Variants in ABHD12 observed in about 807,000 individuals in gnomAD.
ABHD12 encodes the protein lysophosphatidylserine lipase ABHD12.
In ABHD12, 43 loss-of-function variants were observed where a neutral mutation model predicts 58.3. The ratio of observed to expected loss-of-function variants is 0.74; its 90% CI spans 0.58 to 0.95. ABHD12 has a LOEUF of 0.95. Among genes scored for constraint, ABHD12 ranks in the 40% least tolerant of loss-of-function variants. The probability of loss-of-function intolerance (pLI) is 0.00; values close to 1 mark genes in which losing one functional copy is unlikely to be tolerated. For synonymous variants in ABHD12, 219 were observed against 211.2 expected (o/e 1.04, Z -0.32); for missense variants, 539 against 537.2 (o/e 1.00, Z -0.03).
intron 7 of ABHD12, 26 bp downstream of exon 7, chr20:25,309,420 G>A: frequency 6.2e-7 from 1 of 1,613,812 alleles, no homozygotes; most frequent in Non-Finnish European, 8.5e-7. Context: ...TCCCACTAAA[G>A]GCTGCCTCCT....
intron 3 of ABHD12, among the ~76,000 whole-genome samples, chr20:25,322,381 A>ATTTTTT (rs199757666): frequency 1.9e-4 from 11 of 59,230 alleles, no homozygotes; most frequent in South Asian, 5.8e-4. Context: ...ATATATATAT[A>ATTTTTT]TTTTTTTTTT....
chr20:25,381,973 A>C (rs183204351), intron 1 of ABHD12, among the ~76,000 whole-genome samples: 1 of 152,212 alleles, frequency 6.6e-6, no homozygotes, highest in African/African-American at 2.4e-5. Context: ...CTGAGCTCTT[A>C]ATATTATAAT....
intron 1 of ABHD12, among the ~76,000 whole-genome samples, chr20:25,367,846 C>T (rs1600861775): frequency 6.6e-6 from 1 of 152,200 alleles, no homozygotes; most frequent in East Asian, 1.9e-4. Flanking sequence ...AATAGTGCTG[C>T]TATGAACATG....
At chr20:25,358,765 C>T (rs778771493) in intron 1 of ABHD12, among the ~76,000 whole-genome samples, 9 of 152,146 alleles carry the variant, frequency 5.9e-5, no homozygotes, top group Non-Finnish European at 1.3e-4. Context: ...CCCCAGAACA[C>T]CTTTCAGGGT....
intron 5 of ABHD12, among the ~76,000 whole-genome samples, chr20:25,315,703 A>G (rs946315170): frequency 7.2e-5 from 11 of 152,178 alleles, no homozygotes; most frequent in African/African-American, 2.7e-4. Flanking sequence ...AGCAGGATGA[A>G]TCATTTCTTT....
intron 1 of ABHD12, among the ~76,000 whole-genome samples, chr20:25,354,132 T>C (rs2089638054): frequency 6.6e-6 from 1 of 152,222 alleles, no homozygotes; most frequent in African/African-American, 2.4e-5. Flanking sequence ...AGCAAATTCC[T>C]AAGTGAATAA....
chr20:25,375,393 T>C (rs1361990285), intron 1 of ABHD12, among the ~76,000 whole-genome samples: 1 of 152,252 alleles, frequency 6.6e-6, no homozygotes, highest in Non-Finnish European at 1.5e-5. Context: ...CTGTATCTTC[T>C]GATCTTTTCA....
chr20:25,390,222 G>A, intron 1 of ABHD12: 1 of 300,822 alleles, frequency 3.3e-6, no homozygotes, highest in Non-Finnish European at 6.1e-6. Context: ...GCTTCCCCGG[G>A]AAAGGGTCGG....
chr20:25,381,626 C>CTTTTTTTTTTTTTTTTTTTTTTTTT, intron 1 of ABHD12, among the ~76,000 whole-genome samples: 1 of 142,052 alleles, frequency 7.0e-6, no homozygotes, highest in Non-Finnish European at 1.5e-5. Context: ...TCAGTACCCT[C>CTTTTTTTTTTTTTTTTTTTTTTTTT]TTTTTTTTTT....
At chr20:25,383,539 G>A (rs2090047009) in intron 1 of ABHD12, among the ~76,000 whole-genome samples, 1 of 152,196 alleles carries the variant, frequency 6.6e-6, no homozygotes, top group African/African-American at 2.4e-5. Flanking sequence ...CCCTCATTTG[G>A]GCTGGGCGCG....
chr20:25,318,663 CTTT>C (rs35288907), intron 4 of ABHD12, among the ~76,000 whole-genome samples: 28 of 145,140 alleles, frequency 1.9e-4, no homozygotes, highest in African/African-American at 2.5e-4. Flanking sequence ...TAGGCAGGAT[CTTT>C]TTTTTTTTTT....
intron 1 of ABHD12, among the ~76,000 whole-genome samples, chr20:25,359,284 C>T (rs2089709663): frequency 1.3e-5 from 2 of 150,334 alleles, no homozygotes; most frequent in East Asian, 4.0e-4. Flanking sequence ...ATTAGCCGGG[C>T]GTGATGGCGG....
intron 1 of ABHD12, among the ~76,000 whole-genome samples, chr20:25,372,169 T>C (rs957116014): frequency 9.9e-5 from 15 of 151,620 alleles, no homozygotes; most frequent in Non-Finnish European, 2.1e-4. Context: ...ACCTGGGTGT[T>C]AACATTTCTT....
In ABHD12 at chr20:25,312,596, G is replaced by A. The variant is rs555390484; in HGVS notation, c.619+2329C>T. 1.4e-3 allele frequency among the ~76,000 whole-genome samples: 207 copies of A among 152,270 alleles called. 1 individual carries two copies. Among genetic ancestry groups the A allele is most frequent in the African/African-American group, 4.7e-3 (195 of 41,534 alleles). The stretch of plus-strand genomic sequence containing the variant: ...CCGAGATTGCAGCCTCTGCCCGGCC[G>A]CCACCCCGTCTGGGAAGTGAGGAGC... On this transcript the variant is annotated intron_variant, in intron 6 of 12. Coordinates refer to ENST00000339157, the MANE Select transcript of ABHD12 (RefSeq NM_001042472.3).
At chr20:25,335,971 A>C (rs974712646) in intron 2 of ABHD12, among the ~76,000 whole-genome samples, 2 of 152,010 alleles carry the variant, frequency 1.3e-5, no homozygotes, top group Non-Finnish European at 2.9e-5. Context: ...AATAAATAAA[A>C]AAAAAACAAA....
chr20:25,343,902 A>AG (rs2089486402), intron 1 of ABHD12, among the ~76,000 whole-genome samples: 1 of 152,238 alleles, frequency 6.6e-6, no homozygotes, highest in African/African-American at 2.4e-5. Flanking sequence ...CCAACAATGT[A>AG]TAAAAAGAAT....
chr20:25,313,624 A>AAAATAAAATAAAATT (rs1206965162), intron 6 of ABHD12, among the ~76,000 whole-genome samples: 2 of 148,358 alleles, frequency 1.3e-5, no homozygotes, highest in African/African-American at 5.0e-5. Context: ...AAAATAAAAT[A>AAAATAAAATAAAATT]AAATAACATT....
intron 1 of ABHD12, 40 bp from the exon 2 acceptor site, chr20:25,339,391 G>A (rs1325027732): frequency 6.2e-7 from 1 of 1,613,682 alleles, no homozygotes; most frequent in Non-Finnish European, 8.5e-7. Flanking sequence ...AAGGCAGTAG[G>A]TGCCATTTTG....
At chr20:25,295,593 T>A (rs778053218), downstream of ABHD12, 1 of 1,613,092 alleles carries the variant, frequency 6.2e-7, no homozygotes, top group South Asian at 1.1e-5. Context: ...GCCTCCTTTC[T>A]CCCATTCCAG....
Sources: allele counts gnomAD v4.1 joint callset (sites outside exome capture counted in the v4.1 genomes callset), GRCh38; gene constraint gnomAD v4.1.1; transcripts MANE v1.5; gene names NCBI Gene and HGNC (gene_info 2026-07-23, HGNC 2026-07-21).